MRPS6: variants seen among roughly 807,000 people sequenced by gnomAD.
MRPS6 encodes the protein mitochondrial ribosomal protein S6, also known as small ribosomal subunit protein bS6m.
Under a neutral mutation model 13.1 loss-of-function variants are expected in MRPS6, and 6 were observed. That is an observed-to-expected ratio of 0.46 (90% CI 0.25 to 0.91). The LOEUF (loss-of-function observed/expected upper bound fraction) is 0.91. Ranked by LOEUF, MRPS6 falls within the 40% of genes least tolerant of loss-of-function variation. The pLI is 0.18. For synonymous variants in MRPS6, 61 were observed against 56.5 expected (o/e 1.08, Z -0.36); for missense variants, 164 against 155.6 (o/e 1.05, Z -0.29).
intron 2 of MRPS6, among the ~76,000 whole-genome samples, chr21:34,129,024 C>T (rs184151664): frequency 2.0e-5 from 3 of 152,284 alleles, no homozygotes; most frequent in Admixed American, 6.5e-5. Flanking sequence ...TGTGTCTGCA[C>T]GTGCTCACCC....
intron 2 of MRPS6, among the ~76,000 whole-genome samples, chr21:34,140,366 C>T (rs1980867099): frequency 6.6e-6 from 1 of 152,072 alleles, no homozygotes; most frequent in Non-Finnish European, 1.5e-5. Flanking sequence ...TTGATTTCTC[C>T]TTCTACCTGT....
chr21:34,141,744 G>T (rs1270507111), intron 2 of MRPS6, among the ~76,000 whole-genome samples: 2 of 152,212 alleles, frequency 1.3e-5, no homozygotes, highest in Non-Finnish European at 1.5e-5. Flanking sequence ...TGCACTGTCA[G>T]CCAGCAGGCT....
At chr21:34,121,232 T>C (rs1186647737) in intron 1 of MRPS6, among the ~76,000 whole-genome samples, 4 of 152,080 alleles carry the variant, frequency 2.6e-5, no homozygotes, top group Non-Finnish European at 5.9e-5. Flanking sequence ...TTGGGGGGCA[T>C]AAAAAGACTT....
intron 1 of MRPS6, among the ~76,000 whole-genome samples, chr21:34,107,328 T>C (rs903057997): frequency 6.6e-6 from 1 of 151,720 alleles, no homozygotes; most frequent in African/African-American, 2.4e-5. Context: ...ATTCACACTA[T>C]GCATTTTTGG....
intron 1 of MRPS6, chr21:34,098,067 C>T (rs1979056491): frequency 1.0e-6 from 1 of 998,704 alleles, no homozygotes; most frequent in South Asian, 4.7e-5. Flanking sequence ...TGTAAAGTTA[C>T]ATGTCATGAT....
intron 1 of MRPS6, among the ~76,000 whole-genome samples, chr21:34,093,889 A>G (rs973648876): frequency 1.3e-5 from 2 of 152,180 alleles, no homozygotes; most frequent in Non-Finnish European, 2.9e-5. Context: ...TGGTCCACAA[A>G]TGTCTGTTTT....
chr21:34,074,412 A>G (rs1989272534), intron 1 of MRPS6, among the ~76,000 whole-genome samples: 3 of 152,170 alleles, frequency 2.0e-5, no homozygotes, highest in African/African-American at 4.8e-5. Context: ...TCATTCATCC[A>G]AGTTGTGGCC....
intron 2 of MRPS6, among the ~76,000 whole-genome samples, chr21:34,136,249 G>A (rs1253330588): frequency 1.7e-4 from 26 of 152,106 alleles, no homozygotes. Context: ...CCAGGTTCCA[G>A]CAATTCCCCT....
At chr21:34,134,544 ATAATT>A (rs1276465460) in intron 2 of MRPS6, among the ~76,000 whole-genome samples, 3 of 152,352 alleles carry the variant, frequency 2.0e-5, no homozygotes, top group African/African-American at 7.2e-5. Flanking sequence ...TTTAAAGTGT[ATAATT>A]TAATAAGGTT....
chr21:34,087,324 T>C (rs1978441069), intron 1 of MRPS6, among the ~76,000 whole-genome samples: 1 of 152,080 alleles, frequency 6.6e-6, no homozygotes, highest in Admixed American at 6.5e-5. Context: ...TTGATGGTAA[T>C]ATAGGATATT....
At chr21:34,125,697 G>A (rs970084159) in intron 2 of MRPS6, among the ~76,000 whole-genome samples, 14 of 152,158 alleles carry the variant, frequency 9.2e-5, no homozygotes, top group African/African-American at 3.1e-4. Flanking sequence ...GGCCATCCTA[G>A]GAGCAAAGGG....
At chr21:34,128,371 C>G (rs1008442184) in intron 2 of MRPS6, among the ~76,000 whole-genome samples, 23 of 152,234 alleles carry the variant, frequency 1.5e-4, no homozygotes, top group African/African-American at 5.5e-4. Context: ...CCCTCCGCCC[C>G]CCAAATCAAC....
chr21:34,139,610 C>G (rs757829788), intron 2 of MRPS6, among the ~76,000 whole-genome samples: 2 of 152,138 alleles, frequency 1.3e-5, no homozygotes, highest in Non-Finnish European at 2.9e-5. Context: ...CAGAGTCTCG[C>G]TCTGTCACCC....
chr21:34,125,399 T>C lies in MRPS6; in HGVS notation c.104T>C (p.Ile35Thr), dbSNP rs1401735009. 3 of 1,613,944 alleles carry C rather than the reference T, an allele frequency of 1.9e-6. No individual in the cohort carries two copies. Among genetic ancestry groups the C allele is most frequent in the Admixed American group, 3.3e-5 (2 of 59,994 alleles). The change falls in exon 2 of 3, where the codon ATA becomes ACA. Residue 35 changes from isoleucine (I) to threonine (T), a missense_variant. Physicochemically the swap from Ile to Thr is moderately conservative, Grantham distance 89 (BLOSUM62 -1). Coordinates refer to ENST00000399312, the MANE Select transcript of MRPS6 (RefSeq NM_032476.4). ...TIEALMDRGA[I>T]VRDLENLGER... ...GAGGCCCTGATGGACAGAGGAGCAA[T>C]AGTGAGGGACTTGGAAAACCTGGGT... is the stretch of plus-strand genomic sequence containing the variant.
rs151082629 is a variant in MRPS6, at chr21:34,095,156, G to A, written c.45+21411G>A. 2.0e-6 allele frequency: 3 copies of A among 1,467,476 alleles called. No homozygotes were observed. In the East Asian group the frequency reaches 7.2e-5, roughly 35 times the overall value. 90.9% of individuals were successfully genotyped at this position (1,467,476 alleles called of 1,614,324 possible). ...GTTACTAAAAATAAATAAAAAGTTG[G>A]ACACTTCTGTCATTGGAGCGCTATT... On this transcript the variant is annotated intron_variant, in intron 1 of 2. Transcript: ENST00000399312.
intron 1 of MRPS6, among the ~76,000 whole-genome samples, chr21:34,080,130 C>T (rs1057094297): frequency 3.3e-5 from 5 of 152,120 alleles, no homozygotes; most frequent in African/African-American, 4.8e-5. Context: ...CCTGTAAATA[C>T]GCTTGTAGTG....
At chr21:34,083,281 A>T (rs926180373) in intron 1 of MRPS6, among the ~76,000 whole-genome samples, 2 of 152,178 alleles carry the variant, frequency 1.3e-5, no homozygotes, top group Non-Finnish European at 2.9e-5. Flanking sequence ...GCTCTTGCAA[A>T]TCCATGTGTC....
At chr21:34,078,765 A>G (rs1002791150) in intron 1 of MRPS6, among the ~76,000 whole-genome samples, 3 of 152,242 alleles carry the variant, frequency 2.0e-5, no homozygotes, top group Admixed American at 6.5e-5. Flanking sequence ...AAGGAAGGGT[A>G]GAGAACAAAT....
intron 1 of MRPS6, chr21:34,095,112 GTT>G: frequency 6.6e-7 from 1 of 1,526,178 alleles, no homozygotes. Flanking sequence ...TTCACGTATG[GTT>G]TACAGACTTG....
Sources: gnomAD v4.1 joint callset for allele counts (sites outside exome capture counted in the v4.1 genomes callset) on GRCh38, gnomAD v4.1.1 for gene constraint, MANE v1.5 for transcripts, NCBI Gene and HGNC (gene_info 2026-07-23, HGNC 2026-07-21) for gene names.